Variants in GRID1 observed in about 807,000 individuals in gnomAD.
The protein encoded by GRID1 is glutamate receptor ionotropic, delta-1.
A neutral mutation model predicts 98.0 loss-of-function variants in GRID1; 28 were observed. The observed-to-expected ratio is 0.29, with a 90% confidence interval of 0.21 to 0.39. The LOEUF is 0.39. GRID1 is among the 10% of genes least tolerant of loss of function. The pLI is 1.00. For missense variants in GRID1, 1,111 were observed against 1,340.5 expected, an observed-to-expected ratio of 0.83 and a Z score of 2.67; for synonymous variants, 553 against 538.5, an observed-to-expected ratio of 1.03 and a Z score of -0.37.
At chr10:85,908,854 A>G (rs554720088) in intron 5 of GRID1, among the ~76,000 whole-genome samples, 18 of 152,326 alleles carry the variant, frequency 1.2e-4, no homozygotes, top group Non-Finnish European at 1.8e-4. Flanking sequence ...AAATAGATCA[A>G]TGGAATAGAA....
chr10:85,861,393 C>A lies in GRID1; in HGVS notation c.952-5203G>T, dbSNP rs111951693. ...GCAGCACAGCCACAGCTGCCACAGC[C>A]CCCAGGGTCTGAGCCACACCTTTCA... On this transcript the variant is annotated intron_variant, in intron 6 of 15. Coordinates refer to ENST00000327946, the MANE Select transcript of GRID1 (RefSeq NM_017551.3). Among the ~76,000 whole-genome samples the A allele has an allele frequency of 4.1e-4, 62 of 152,330 alleles. 1 individual carries two copies. The South Asian group carries it at 4.4e-3, about 11-fold the overall frequency.
At chr10:86,264,809 C>G (rs1461354631) in intron 2 of GRID1, 1 of 472,240 alleles carries the variant, frequency 2.1e-6, no homozygotes, top group Non-Finnish European at 4.4e-6. Flanking sequence ...TCGTCTGTGT[C>G]ACCGCCGCCC....
intron 4 of GRID1, among the ~76,000 whole-genome samples, chr10:86,101,914 C>T (rs1844302003): frequency 6.6e-6 from 1 of 152,118 alleles, no homozygotes; most frequent in Admixed American, 6.5e-5. Context: ...CATTGTATGG[C>T]TGTACCACAG....
chr10:85,819,862 C>G (rs1160030435), intron 8 of GRID1, among the ~76,000 whole-genome samples: 1 of 151,432 alleles, frequency 6.6e-6, no homozygotes, highest in Non-Finnish European at 1.5e-5. Flanking sequence ...TGCAGTGAGC[C>G]AAGATCACAC....
At chr10:85,637,217 G>A (rs961430150) in intron 13 of GRID1, among the ~76,000 whole-genome samples, 1 of 152,126 alleles carries the variant, frequency 6.6e-6, no homozygotes, top group African/African-American at 2.4e-5. Context: ...AAATATACAA[G>A]AGGATTCTTG....
chr10:85,970,473 G>A (rs568430695), intron 4 of GRID1, among the ~76,000 whole-genome samples: 4 of 152,080 alleles, frequency 2.6e-5, no homozygotes, highest in African/African-American at 7.2e-5. Context: ...ATACATGACC[G>A]TCAAGTGAGA....
At chr10:85,731,428 GATACCAAA>G (rs1464458941) in intron 8 of GRID1, among the ~76,000 whole-genome samples, 1 of 149,184 alleles carries the variant, frequency 6.7e-6, no homozygotes, top group East Asian at 2.0e-4. Flanking sequence ...AGACCTCGAA[GATACCAAA>G]ATACCACACT....
intron 13 of GRID1, among the ~76,000 whole-genome samples, chr10:85,638,068 A>T (rs1216625224): frequency 6.6e-6 from 1 of 152,220 alleles, no homozygotes; most frequent in Non-Finnish European, 1.5e-5. Flanking sequence ...TTAATGATAT[A>T]AGTTTTAACA....
Position 85,640,489 on chromosome 10 carries a change from C to T in GRID1, c.2193+6713G>A, listed in dbSNP as rs74148725. ...CTTTGAATCTAGCATCCCAAAAGTG[C>T]ACAGAAGTGCCCACCCATATAAGCC... On this transcript the variant is annotated intron_variant, in intron 13 of 15. Transcript: ENST00000327946. 3.2e-3 allele frequency among the ~76,000 whole-genome samples: 493 copies of T among 152,312 alleles called. 3 individuals are homozygous for T. Among genetic ancestry groups the T allele is most frequent in the African/African-American group, 0.012 (479 of 41,564 alleles).
intron 3 of GRID1, among the ~76,000 whole-genome samples, chr10:86,180,401 C>T (rs1336980380): frequency 6.6e-6 from 1 of 152,114 alleles, no homozygotes; most frequent in African/African-American, 2.4e-5. Context: ...AGAAAAGTGA[C>T]TCTAGGACCT....
At chr10:85,771,653 A>G (rs1364193367) in intron 8 of GRID1, among the ~76,000 whole-genome samples, 2 of 152,216 alleles carry the variant, frequency 1.3e-5, no homozygotes, top group South Asian at 2.1e-4. Flanking sequence ...GGAAAACAAA[A>G]AAAGGCAGGG....
intron 12 of GRID1, among the ~76,000 whole-genome samples, chr10:85,697,373 T>C (rs1329790694): frequency 6.6e-6 from 1 of 152,174 alleles, no homozygotes; most frequent in Non-Finnish European, 1.5e-5. Context: ...AATGACCCTC[T>C]ATCCTCTGTA....
At chr10:85,972,538 T>C (rs1842422381) in intron 4 of GRID1, among the ~76,000 whole-genome samples, 1 of 150,702 alleles carries the variant, frequency 6.6e-6, no homozygotes, top group African/African-American at 2.4e-5. Context: ...ATAATTCTGC[T>C]ATTTCAATAC....
chr10:86,081,318 C>T (rs1199808391), intron 4 of GRID1, among the ~76,000 whole-genome samples: 2 of 152,252 alleles, frequency 1.3e-5, no homozygotes, highest in South Asian at 2.1e-4. Flanking sequence ...TGAGAGCTGA[C>T]TGATATGATC....
At chr10:86,269,424 T>C (rs1847152185) in intron 2 of GRID1, among the ~76,000 whole-genome samples, 1 of 152,234 alleles carries the variant, frequency 6.6e-6, no homozygotes, top group Non-Finnish European at 1.5e-5. Flanking sequence ...CTCCAAGTTA[T>C]GCACCCAGCT....
At chr10:86,120,651 AT>A (rs1844651693) in intron 4 of GRID1, among the ~76,000 whole-genome samples, 1 of 152,248 alleles carries the variant, frequency 6.6e-6, no homozygotes, top group Non-Finnish European at 1.5e-5. Context: ...AGAGTCCTAT[AT>A]AACCACATCC....
chr10:86,151,413 C>T (rs1845167488), intron 3 of GRID1, among the ~76,000 whole-genome samples: 1 of 151,774 alleles, frequency 6.6e-6, no homozygotes, highest in African/African-American at 2.4e-5. Flanking sequence ...CTCTGTGCAC[C>T]AAGACACAGC....
chr10:85,879,237 C>T (rs944235950), intron 5 of GRID1, among the ~76,000 whole-genome samples: 11 of 151,986 alleles, frequency 7.2e-5, no homozygotes, highest in African/African-American at 2.7e-4. Context: ...ACAAGGATAC[C>T]CAGGAATTGA....
chr10:86,206,330 C>T lies in GRID1; in HGVS notation c.520+34G>A, dbSNP rs1846024423. The stretch of plus-strand genomic sequence containing the variant: ...CCCAGCATCTGGCCATCCCTGTCCC[C>T]AAGCAGCCCCAGCTCGCCTGCCGGA... On this transcript the variant is annotated intron_variant, in intron 3 of 15. Transcript: ENST00000327946. This position sits in a 1 kb window ranked among gnomAD's most constrained non-coding sequence, Gnocchi z 4.1. The T allele has an allele frequency of 6.4e-7, 1 of 1,562,618 alleles. No individual in the cohort carries two copies. The highest frequency in any genetic ancestry group is 8.7e-7 in the Non-Finnish European group (1 of 1,151,670).
Sources: allele counts gnomAD v4.1 joint callset (sites outside exome capture counted in the v4.1 genomes callset), GRCh38; gene constraint gnomAD v4.1.1; non-coding constraint Gnocchi (gnomAD v3.1); transcripts MANE v1.5; gene names NCBI Gene and HGNC (gene_info 2026-07-23, HGNC 2026-07-21).